The following KIF15 variants were observed in gnomAD, a reference collection of about 807,000 sequenced individuals.
The protein encoded by KIF15 is kinesin-like protein KIF15.
In KIF15, 140 loss-of-function variants were observed where a neutral mutation model predicts 190.6. The ratio of observed to expected loss-of-function variants is 0.73; its 90% confidence interval spans 0.64 to 0.84. The LOEUF (loss-of-function observed/expected upper bound fraction) is 0.84. Among genes scored for constraint, KIF15 ranks in the 40% least tolerant of loss-of-function variants. The pLI, the probability that KIF15 is intolerant of heterozygous loss-of-function variation, is 0.00. For synonymous variants in KIF15, 528 were observed against 551.3 expected, an observed-to-expected ratio of 0.96 and a Z score of 0.59; for missense variants, 1,372 against 1,584.4, an observed-to-expected ratio of 0.87 and a Z score of 2.28.
chr3:44,830,407 T>A (rs9814298), intron 25 of KIF15, among the ~76,000 whole-genome samples: 69,159 of 152,074 alleles, frequency 0.45, 16,748 homozygotes, highest in East Asian at 0.84. Context: ...TTAAGGCAAA[T>A]GTGGTGTTTT....
intron 30 of KIF15, among the ~76,000 whole-genome samples, chr3:44,847,223 A>G (rs116263659): frequency 5.2e-4 from 79 of 152,302 alleles, no homozygotes; most frequent in African/African-American, 1.6e-3. Flanking sequence ...CCTTCAAGAA[A>G]TGGTCTTTTA....
At chr3:44,801,359 G>A in intron 11 of KIF15, 91 bp from the exon 12 acceptor site, 1 of 749,980 alleles carries the variant, frequency 1.3e-6, no homozygotes, top group South Asian at 1.7e-5. Context: ...GATTAGTTGA[G>A]AGCAATCAAT....
chr3:44,784,835 AT>A lies in KIF15; in HGVS notation c.362-3del. 15 of 1,366,486 alleles carry A rather than the reference AT, an allele frequency of 1.1e-5. No homozygotes were observed. Among genetic ancestry groups the A allele is most frequent in the African/African-American group, 3.1e-5 (2 of 65,472 alleles). The allele number at this position is 1,366,486 out of a possible 1,614,324, so 84.6% of individuals were successfully genotyped here. On this transcript the variant is annotated splice_polypyrimidine_tract_variant and intron_variant, in intron 5 of 34. Coordinates refer to ENST00000326047, the MANE Select transcript of KIF15 (RefSeq NM_020242.3). Reference sequence around the variant, plus strand: ...ATAAAAATCCAGTGTTTTTTTTTTCATTTTTTTAGGACCATCTGAATCTGAT... The same window carrying A: ...ATAAAAATCCAGTGTTTTTTTTTTCATTTTTTAGGACCATCTGAATCTGAT...
chr3:44,794,697 C>T (rs993238440), intron 8 of KIF15, among the ~76,000 whole-genome samples: 1 of 152,120 alleles, frequency 6.6e-6, no homozygotes, highest in Admixed American at 6.5e-5. Context: ...CGCGGTGGCT[C>T]ACACCTGTAA....
At chr3:44,803,990 G>A (rs1707385459) in intron 14 of KIF15, among the ~76,000 whole-genome samples, 1 of 152,018 alleles carries the variant, frequency 6.6e-6, no homozygotes, top group Non-Finnish European at 1.5e-5. Context: ...TGGGATTACA[G>A]TCACACACCA....
At chr3:44,789,642 T>TTATATATATATA (rs56009369) in intron 7 of KIF15, among the ~76,000 whole-genome samples, 132 of 113,530 alleles carry the variant, frequency 1.2e-3, no homozygotes, top group South Asian at 1.7e-3. Flanking sequence ...TTGTCTAATT[T>TTATATATATATA]TATATATATA....
At chr3:44,812,431 CA>C (rs2125659267) in intron 18 of KIF15, 142 bp downstream of exon 18, 2 of 654,398 alleles carry the variant, frequency 3.1e-6, no homozygotes, top group African/African-American at 3.7e-5. Context: ...AATGTTGTCA[CA>C]TGGCCTTAGT....
intron 6 of KIF15, chr3:44,864,217 C>T (rs1159137797): frequency 8.1e-6 from 13 of 1,613,998 alleles, no homozygotes; most frequent in Non-Finnish European, 1.1e-5. Context: ...GTTTATGCGT[C>T]TTAGGCATTA....
intron 17 of KIF15, among the ~76,000 whole-genome samples, 158 bp from the exon 18 acceptor site, chr3:44,812,024 T>C (rs1324076795): frequency 1.3e-5 from 2 of 152,240 alleles, no homozygotes; most frequent in Non-Finnish European, 2.9e-5. Context: ...CTTTTGATGA[T>C]GTTTTCTGGC....
chr3:44,841,229 C>A lies in KIF15; in HGVS notation c.3576C>A (p.Leu1192=). 1 of 1,601,172 alleles carries A rather than the reference C, an allele frequency of 6.2e-7. No homozygotes were observed. The highest frequency in any genetic ancestry group is 8.5e-7 in the Non-Finnish European group (1 of 1,176,674). The change falls in exon 29 of 35, where the codon CTC becomes CTA. Residue 1192 remains leucine, a synonymous_variant. Coordinates refer to ENST00000326047, the MANE Select transcript of KIF15 (RefSeq NM_020242.3). ...GAGAAGTCAAAAATGCTGAAATCCTCAGAATGAAGGTAATTGGATTTTTTT... is the reference window on the plus strand; with the variant it reads ...GAGAAGTCAAAAATGCTGAAATCCTAAGAATGAAGGTAATTGGATTTTTTT... The part of the protein sequence containing the change: ...EDREVKNAEI[L]RMKEQLREME...
chr3:44,820,466 T>A (rs1708218626), intron 20 of KIF15, among the ~76,000 whole-genome samples: 2 of 151,912 alleles, frequency 1.3e-5, no homozygotes, highest in Non-Finnish European at 2.9e-5. Flanking sequence ...TGAACAAAGG[T>A]CTCTGGTTTT....
At position 44,767,031 on chromosome 3, in the gene KIF15, C is replaced by T. The variant is rs575841283; in HGVS notation, c.19+5147C>T. ...TTCACCGTGTTAGCCAGGGTGGTCT[C>T]GATCTCCTGACCTCGTGATCCGCCC... On this transcript the variant is annotated intron_variant, in intron 1 of 34. Coordinates refer to ENST00000326047, the MANE Select transcript of KIF15 (RefSeq NM_020242.3). 2.1e-4 allele frequency among the ~76,000 whole-genome samples: 32 copies of T among 152,060 alleles called. 1 individual carries two copies. In the South Asian group the frequency reaches 5.6e-3, roughly 27 times the overall value.
chr3:44,784,933 A>G lies in KIF15; in HGVS notation c.450A>G (p.Glu150=), dbSNP rs753979709. Residue 150 remains glutamate, a synonymous_variant, in exon 6 of 35, where the codon GAA becomes GAG. Transcript: ENST00000326047. ...FEYLFSLIDR[E]KEKAGAGKSF... ...ATTTGTTTTCCTTAATTGATCGTGAAAAAGAAAAGGTAAAACAATGTAAAA... is the reference window on the plus strand; with the variant it reads ...ATTTGTTTTCCTTAATTGATCGTGAGAAAGAAAAGGTAAAACAATGTAAAA... 42 of 1,533,006 alleles carry G rather than the reference A, an allele frequency of 2.7e-5. No individual in the cohort carries two copies. In the African/African-American group the frequency reaches 4.3e-4, roughly 16 times the overall value. 95.0% of individuals were successfully genotyped at this position (1,533,006 alleles called of 1,614,324 possible).
At chr3:44,795,430 C>T (rs1340138704) in intron 8 of KIF15, among the ~76,000 whole-genome samples, 1 of 152,124 alleles carries the variant, frequency 6.6e-6, no homozygotes, top group Non-Finnish European at 1.5e-5. Flanking sequence ...AAGTTTGTAT[C>T]AACTCTGCGA....
chr3:44,848,621 A>G lies in KIF15; in HGVS notation c.3806+63A>G, dbSNP rs535936550. ...CTTTTCCTTATTCTCCTCTAAAGGA[A>G]TGATATACCACAAGGTAGGTAACTT... On this transcript the variant is annotated intron_variant, in intron 32 of 34. Coordinates refer to ENST00000326047, the MANE Select transcript of KIF15 (RefSeq NM_020242.3). 128 of 741,094 alleles carry G rather than the reference A, an allele frequency of 1.7e-4. No individual in the cohort carries two copies. The African/African-American group carries it at 1.9e-3, about 11-fold the overall frequency. 45.9% of individuals were successfully genotyped at this position (741,094 alleles called of 1,614,324 possible).
downstream of KIF15, among the ~76,000 whole-genome samples, chr3:44,855,609 C>A (rs7640770): frequency 0.042 from 6,352 of 152,080 alleles, 347 homozygotes; most frequent in African/African-American, 0.12. Flanking sequence ...TTCAAGTGGG[C>A]TTAGGGGCGG....
In KIF15 at chr3:44,841,135, A is replaced by G; in HGVS notation, c.3482A>G (p.Gln1161Arg). The G allele has an allele frequency of 3.1e-6, 5 of 1,613,706 alleles. No individual in the cohort carries two copies. The East Asian group carries it at 8.9e-5, about 29-fold the overall frequency. Residue 1161 changes from glutamine to arginine, a missense_variant, in exon 29 of 35, where the codon CAA (glutamine) becomes CGA (arginine). By Grantham distance (43) the Gln-to-Arg change is conservative. Coordinates refer to ENST00000326047, the MANE Select transcript of KIF15 (RefSeq NM_020242.3). Reference sequence around the variant, plus strand: ...GCAAAACTCCTGGAAACACAAGAACAAGAGATAGAAGATGGAAGAGCCTCT... The same window carrying G: ...GCAAAACTCCTGGAAACACAAGAACGAGAGATAGAAGATGGAAGAGCCTCT... ...HLAKLLETQE[Q>R]EIEDGRASKT... is the part of the protein sequence containing the mutation.
intron 26 of KIF15, among the ~76,000 whole-genome samples, chr3:44,837,614 GTATA>G (rs141324712): frequency 6.7e-6 from 1 of 149,698 alleles, no homozygotes; most frequent in Non-Finnish European, 1.5e-5. Context: ...ATATGTGTGT[GTATA>G]TATATATATA....
Position 44,828,263 on chromosome 3 carries a change from T to G in KIF15, c.2906T>G (p.Val969Gly). 3.7e-6 allele frequency: 6 copies of G among 1,613,720 alleles called. No individual in the cohort carries two copies. Among genetic ancestry groups the G allele is most frequent in the Non-Finnish European group, 5.1e-6 (6 of 1,179,680 alleles). The change falls in exon 24 of 35, where the codon GTG (valine) becomes GGG (glycine). Residue 969 changes from valine (V) to glycine (G), a missense_variant. Coordinates refer to ENST00000326047, the MANE Select transcript of KIF15 (RefSeq NM_020242.3). ...GAGAGCTTGCTTGCTACTGAAAAAG[T>G]GATCAGTTCCCTGGAAAAGTCTAGA... is the stretch of plus-strand genomic sequence containing the variant. ...LEESLLATEK[V>G]ISSLEKSRDS...
Sources: gnomAD v4.1 joint callset for allele counts (sites outside exome capture counted in the v4.1 genomes callset) on GRCh38, gnomAD v4.1.1 for gene constraint, MANE v1.5 for transcripts, NCBI Gene and HGNC (gene_info 2026-07-23, HGNC 2026-07-21) for gene names.